BAZ2B: variants seen among roughly 807,000 people sequenced by gnomAD.
The protein encoded by BAZ2B is bromodomain adjacent to zinc finger domain protein 2B.
In BAZ2B, 91 loss-of-function variants were observed where a neutral mutation model predicts 246.0. That is an observed-to-expected ratio of 0.37 (90% CI 0.31 to 0.44). The LOEUF is 0.44. Ranked by LOEUF, BAZ2B falls within the 20% of genes least tolerant of loss-of-function variation. The pLI, the probability that BAZ2B is intolerant of heterozygous loss-of-function variation, is 1.00. For missense variants in BAZ2B, 2,332 were observed against 2,533.7 expected, an observed-to-expected ratio of 0.92 and a Z score of 1.71; for synonymous variants, 855 against 860.0, an observed-to-expected ratio of 0.99 and a Z score of 0.10.
intron 27 of BAZ2B, among the ~76,000 whole-genome samples, chr2:159,350,651 ACC>A (rs1422971278): frequency 5.3e-5 from 8 of 152,054 alleles, no homozygotes; most frequent in African/African-American, 1.9e-4. Flanking sequence ...GCTCACTGCA[ACC>A]TCTGCCTCCT....
intron 3 of BAZ2B, among the ~76,000 whole-genome samples, chr2:159,457,687 TTG>T (rs1376220556): frequency 2.0e-5 from 3 of 152,210 alleles, no homozygotes; most frequent in African/African-American, 7.2e-5. Context: ...AGTTTCACCC[TTG>T]AACCACAATT....
chr2:159,699,823 A>G, the BAZ2B span, among the ~76,000 whole-genome samples: 1 of 152,242 alleles, frequency 6.6e-6, no homozygotes, highest in Non-Finnish European at 1.5e-5. Flanking sequence ...AACTTTATCT[A>G]TGCTGCTTAT....
At chr2:159,343,809 A>G (rs7608323) in intron 31 of BAZ2B, among the ~76,000 whole-genome samples, 144,571 of 151,984 alleles carry the variant, frequency 0.95, 69,196 homozygotes, top group Middle Eastern at 1. Flanking sequence ...GGCAGATCAC[A>G]AGGTCAGGAG....
At chr2:159,663,950 T>C in the BAZ2B span, among the ~76,000 whole-genome samples, 3 of 105,448 alleles carry the variant, frequency 2.8e-5, no homozygotes, top group Non-Finnish European at 5.8e-5. Context: ...TATGTATACA[T>C]GTGCCATGCT....
chr2:159,356,688 C>T (rs2059147362), intron 27 of BAZ2B, among the ~76,000 whole-genome samples: 1 of 152,188 alleles, frequency 6.6e-6, no homozygotes, highest in African/African-American at 2.4e-5. Context: ...CTGGGAGACA[C>T]CTCCCAGCAG....
At chr2:159,560,610 C>T (rs576923463) in intron 1 of BAZ2B, among the ~76,000 whole-genome samples, 24 of 151,466 alleles carry the variant, frequency 1.6e-4, no homozygotes, top group South Asian at 1.5e-3. Flanking sequence ...TGCTCTGTCA[C>T]CCAGGCTAGA....
At chr2:159,573,390 G>A (rs1684484827) in intron 1 of BAZ2B, among the ~76,000 whole-genome samples, 1 of 152,042 alleles carries the variant, frequency 6.6e-6, no homozygotes, top group Admixed American at 6.6e-5. Context: ...ATTTGACAAG[G>A]GTGCCAAAAC....
At chr2:159,489,104 A>G (rs2080165262) in intron 2 of BAZ2B, among the ~76,000 whole-genome samples, 1 of 152,214 alleles carries the variant, frequency 6.6e-6, no homozygotes, top group African/African-American at 2.4e-5. Context: ...AAGAGACAGC[A>G]TACTATCCAT....
At chr2:159,533,665 A>G (rs1433225795) in intron 2 of BAZ2B, among the ~76,000 whole-genome samples, 21 of 152,204 alleles carry the variant, frequency 1.4e-4, no homozygotes, top group Non-Finnish European at 2.6e-4. Flanking sequence ...CCAAACAAGT[A>G]TAACTAATAA....
chr2:159,348,974 G>C, intron 29 of BAZ2B, 33 bp downstream of exon 29: 1 of 1,604,966 alleles, frequency 6.2e-7, no homozygotes. Flanking sequence ...TTGAAATTGA[G>C]TAAGTGGCTG....
At position 159,337,784 on chromosome 2, in the gene BAZ2B, G is replaced by C. The variant is rs758208408; in HGVS notation, c.5455-12C>G. 2.5e-6 allele frequency: 4 copies of C among 1,608,790 alleles called. No individual in the cohort carries two copies. The highest frequency in any genetic ancestry group is 3.4e-6 in the Non-Finnish European group (4 of 1,176,254). The stretch of plus-strand genomic sequence containing the variant: ...GGACACATCCAACCCTATATATCAA[G>C]AGAATAGTGTTATTATGGTTTCCTC... On this transcript the variant is annotated splice_polypyrimidine_tract_variant and intron_variant, in intron 31 of 36. Coordinates refer to ENST00000392783, the MANE Select transcript of BAZ2B (RefSeq NM_013450.4).
chr2:159,513,661 G>T (rs1482170361), intron 2 of BAZ2B, among the ~76,000 whole-genome samples: 1 of 151,920 alleles, frequency 6.6e-6, no homozygotes, highest in Non-Finnish European at 1.5e-5. Context: ...AATCTTTTTG[G>T]TTGTACCTCA....
At chr2:159,599,358 C>T (rs954212586) in intron 1 of BAZ2B, among the ~76,000 whole-genome samples, 4 of 152,150 alleles carry the variant, frequency 2.6e-5, no homozygotes, top group Non-Finnish European at 5.9e-5. Flanking sequence ...GTGGCTCAAG[C>T]CTGTAATCCC....
At chr2:159,463,058 T>A (rs2076603872) in intron 3 of BAZ2B, 2 of 724,190 alleles carry the variant, frequency 2.8e-6, no homozygotes, top group South Asian at 3.1e-5. Flanking sequence ...CATCCTTCCA[T>A]CTTCACGGGT....
At chr2:159,422,999 A>G (rs762046664) in intron 13 of BAZ2B, among the ~76,000 whole-genome samples, 1 of 152,126 alleles carries the variant, frequency 6.6e-6, no homozygotes, top group South Asian at 2.1e-4. Context: ...ATGAAATACT[A>G]TCTCATTCTG....
chr2:159,636,323 A>G, the BAZ2B span, among the ~76,000 whole-genome samples: 1 of 152,264 alleles, frequency 6.6e-6, no homozygotes, highest in African/African-American at 2.4e-5. Context: ...CCACCTCCTG[A>G]CGGTAGTTGT....
intron 14 of BAZ2B, among the ~76,000 whole-genome samples, chr2:159,406,967 G>T (rs2066039732): frequency 6.6e-6 from 1 of 151,754 alleles, no homozygotes; most frequent in African/African-American, 2.4e-5. Flanking sequence ...TGTTAGACAG[G>T]ATGGTCTCGA....
In BAZ2B at chr2:159,398,834, T is replaced by C; in HGVS notation, c.2959A>G (p.Ile987Val). The change falls in exon 18 of 37, where the codon ATA becomes GTA. Residue 987 changes from isoleucine (I) to valine (V), a missense_variant. Transcript: ENST00000392783. ...TGATTCTCATCTAAACTAACCTTTA[T>C]TCGTTTCTCGGCCTCCAATAATTTG... ...NAKLLEAEKR[I>V]KEKEMRRQQA... The C allele has an allele frequency of 6.2e-7, 1 of 1,610,870 alleles. No individual in the cohort carries two copies. Among genetic ancestry groups the C allele is most frequent in the Non-Finnish European group, 8.5e-7 (1 of 1,179,402 alleles).
At chr2:159,337,518 A>G (rs749238515) in intron 32 of BAZ2B, 49 bp downstream of exon 32, 2 of 1,613,922 alleles carry the variant, frequency 1.2e-6, no homozygotes, top group Non-Finnish European at 1.7e-6. Context: ...CTGTGCCCAC[A>G]TTATCCAGTT....
Sources: allele counts gnomAD v4.1 joint callset (sites outside exome capture counted in the v4.1 genomes callset), GRCh38; gene constraint gnomAD v4.1.1; transcripts MANE v1.5; gene names NCBI Gene and HGNC (gene_info 2026-07-23, HGNC 2026-07-21).